The following EYA4 variants were observed in gnomAD, a reference collection of about 807,000 sequenced individuals.
EYA4 encodes the protein protein phosphatase EYA4.
In EYA4, 31 loss-of-function variants were observed where a neutral mutation model predicts 87.9. The observed-to-expected ratio is 0.35, with a 90% CI of 0.27 to 0.48. The LOEUF (loss-of-function observed/expected upper bound fraction) is 0.48, where lower values mean the gene tolerates loss of function less well. EYA4 is among the 20% of genes least tolerant of loss of function. The probability of loss-of-function intolerance (pLI) is 0.99; values close to 1 mark genes in which losing one functional copy is unlikely to be tolerated. For synonymous variants in EYA4, 263 were observed against 270.6 expected, an observed-to-expected ratio of 0.97 and a Z score of 0.28; for missense variants, 678 against 761.4, an observed-to-expected ratio of 0.89 and a Z score of 1.29.
chr6:133,250,885 G>A (rs1015336893), intron 1 of EYA4, among the ~76,000 whole-genome samples: 1 of 152,082 alleles, frequency 6.6e-6, no homozygotes, highest in Non-Finnish European at 1.5e-5. Context: ...CTATGATTGG[G>A]TATCTTTCAT....
chr6:133,516,982 G>A (rs1168344359), intron 17 of EYA4, among the ~76,000 whole-genome samples: 1 of 152,138 alleles, frequency 6.6e-6, no homozygotes, highest in African/African-American at 2.4e-5. Context: ...GAACATGTGT[G>A]TGCATGTGTC....
intron 3 of EYA4, among the ~76,000 whole-genome samples, chr6:133,422,468 G>A (rs560993925): frequency 1.3e-5 from 2 of 151,846 alleles, no homozygotes; most frequent in South Asian, 4.2e-4. Flanking sequence ...TATTATAACC[G>A]CTGTATAGTA....
intron 2 of EYA4, among the ~76,000 whole-genome samples, chr6:133,289,707 C>T (rs758816081): frequency 6.6e-6 from 1 of 152,146 alleles, no homozygotes; most frequent in Admixed American, 6.6e-5. Flanking sequence ...TAGAGTCAGA[C>T]TAAAGTTAGC....
At chr6:133,345,548 T>C (rs184107528) in intron 2 of EYA4, among the ~76,000 whole-genome samples, 3 of 152,306 alleles carry the variant, frequency 2.0e-5, no homozygotes, top group East Asian at 1.9e-4. Context: ...CTTTTCTTTG[T>C]AAATAAACCA....
At chr6:133,490,127 T>C (rs1797018407) in intron 13 of EYA4, among the ~76,000 whole-genome samples, 1 of 152,158 alleles carries the variant, frequency 6.6e-6, no homozygotes, top group South Asian at 2.1e-4. Context: ...TGAGTTATAT[T>C]ATTTGCAAGC....
chr6:133,426,276 G>A (rs377333202), intron 3 of EYA4, among the ~76,000 whole-genome samples: 13 of 152,128 alleles, frequency 8.5e-5, no homozygotes, highest in African/African-American at 2.9e-4. Flanking sequence ...TTACCTAATA[G>A]GTACTCGGCA....
intron 2 of EYA4, among the ~76,000 whole-genome samples, chr6:133,354,891 T>G (rs181380547): frequency 1.1e-3 from 172 of 152,274 alleles, no homozygotes; most frequent in African/African-American, 3.7e-3. Context: ...TGTTGTTGTT[T>G]TTTCACATGA....
At chr6:133,518,063 A>G (rs1799756122) in intron 17 of EYA4, among the ~76,000 whole-genome samples, 1 of 152,188 alleles carries the variant, frequency 6.6e-6, no homozygotes, top group African/African-American at 2.4e-5. Context: ...GTGACAAGAG[A>G]GACCAAATGT....
intron 19 of EYA4, among the ~76,000 whole-genome samples, chr6:133,527,445 TG>T (rs1175547658): frequency 1.3e-5 from 2 of 152,250 alleles, no homozygotes; most frequent in Admixed American, 6.5e-5. Context: ...ATATGTAGTT[TG>T]AAATTTTCTA....
chr6:133,407,607 C>A (rs1788832355), intron 3 of EYA4, among the ~76,000 whole-genome samples: 1 of 152,096 alleles, frequency 6.6e-6, no homozygotes, highest in South Asian at 2.1e-4. Flanking sequence ...CATAAATCTT[C>A]TCAGCTTCAG....
chr6:133,255,903 A>C (rs1453237991), intron 1 of EYA4, among the ~76,000 whole-genome samples: 2 of 152,046 alleles, frequency 1.3e-5, no homozygotes, highest in Admixed American at 1.3e-4. Context: ...ATCTGCCAAA[A>C]ATATCTGTAG....
At chr6:133,352,973 T>A (rs1286815665) in intron 2 of EYA4, among the ~76,000 whole-genome samples, 1 of 152,186 alleles carries the variant, frequency 6.6e-6, no homozygotes, top group Non-Finnish European at 1.5e-5. Flanking sequence ...ATTTCAGGCA[T>A]GTATCTACAA....
Position 133,529,106 on chromosome 6 carries a change from T to G in EYA4, c.*301T>G. ...AATGAGCAGCTTTAGCAAAGAACTC[T>G]TACCCTGGCAAAGCAGCAACACACA... On this transcript the variant is annotated 3_prime_UTR_variant, in exon 20 of 20. Transcript: ENST00000355286. 6.7e-6 allele frequency: 8 copies of G among 1,185,590 alleles called. No individual in the cohort carries two copies. Among genetic ancestry groups the G allele is most frequent in the East Asian group, 5.9e-5 (1 of 17,094 alleles). 73.4% of individuals were successfully genotyped at this position (1,185,590 alleles called of 1,614,324 possible).
At chr6:133,493,689 A>C (rs1797385702) in intron 13 of EYA4, among the ~76,000 whole-genome samples, 1 of 152,220 alleles carries the variant, frequency 6.6e-6, no homozygotes. Context: ...TTTGTAAACT[A>C]TCCATTATAC....
At chr6:133,445,628 G>C (rs553788976) in intron 3 of EYA4, among the ~76,000 whole-genome samples, 1 of 151,112 alleles carries the variant, frequency 6.6e-6, no homozygotes, top group Admixed American at 6.6e-5. Context: ...GCTCCGGCTG[G>C]AGTGCAGTGG....
intron 3 of EYA4, among the ~76,000 whole-genome samples, chr6:133,428,015 A>C (rs1583249603): frequency 6.6e-6 from 1 of 152,140 alleles, no homozygotes; most frequent in African/African-American, 2.4e-5. Context: ...GAACGGTGTA[A>C]AAATTGAGGG....
At chr6:133,328,813 A>G (rs1045680038) in intron 2 of EYA4, among the ~76,000 whole-genome samples, 2 of 152,158 alleles carry the variant, frequency 1.3e-5, no homozygotes, top group Admixed American at 1.3e-4. Context: ...ATGAAAACAC[A>G]GGTTTGCAGA....
At chr6:133,332,684 C>T (rs1011512740) in intron 2 of EYA4, among the ~76,000 whole-genome samples, 2 of 150,948 alleles carry the variant, frequency 1.3e-5, no homozygotes, top group Non-Finnish European at 2.9e-5. Context: ...GCTGGGACTA[C>T]AGGCATGTGC....
chr6:133,285,028 ACT>A (rs1441898337), intron 2 of EYA4, among the ~76,000 whole-genome samples: 1 of 150,430 alleles, frequency 6.6e-6, no homozygotes, highest in Non-Finnish European at 1.5e-5. Context: ...ATGGAGTCTC[ACT>A]CTGTCCCCCA....
Sources: allele counts gnomAD v4.1 joint callset (sites outside exome capture counted in the v4.1 genomes callset), GRCh38; gene constraint gnomAD v4.1.1; transcripts MANE v1.5; gene names NCBI Gene and HGNC (gene_info 2026-07-23, HGNC 2026-07-21).